Variants in CTSD observed in about 807,000 individuals in gnomAD.
CTSD encodes ceroid-lipofuscinosis, neuronal 10.
CTSD carries 28 observed loss-of-function variants against 43.6 expected under a neutral mutation model. The observed-to-expected ratio is 0.64, with a 90% CI of 0.48 to 0.88. The LOEUF (loss-of-function observed/expected upper bound fraction) is 0.88. Ranked by LOEUF, CTSD falls within the 40% of genes least tolerant of loss-of-function variation. The pLI, the probability that CTSD is intolerant of heterozygous loss-of-function variation, is 0.00. For synonymous variants in CTSD, 270 were observed against 249.8 expected, an observed-to-expected ratio of 1.08 and a Z score of -0.76; for missense variants, 485 against 555.2, an observed-to-expected ratio of 0.87 and a Z score of 1.27.
Position 1,753,690 on chromosome 11 carries a change from C to T in CTSD, c.1072-20G>A. The T allele has an allele frequency of 6.2e-7, 1 of 1,612,192 alleles. No individual in the cohort carries two copies. On this transcript the variant is annotated intron_variant, in intron 8 of 8. Transcript: ENST00000236671. ...CGACACCTGGGACGGCCCTGGTGGT[C>T]AGTACCCAGGCCTAGCACCACCCGC...
At chr11:1,758,435 AG>A (rs759329722) in intron 4 of CTSD, among the ~76,000 whole-genome samples, 17 of 152,196 alleles carry the variant, frequency 1.1e-4, no homozygotes, top group Non-Finnish European at 2.2e-4. Flanking sequence ...ACCCTCTCCT[AG>A]GGCAGGGAGT....
At chr11:1,763,456 T>C (rs1242936315) in intron 1 of CTSD, 3 of 334,698 alleles carry the variant, frequency 9.0e-6, no homozygotes, top group Non-Finnish European at 1.7e-5. Flanking sequence ...CAGACCCCAA[T>C]TCCACCTGCC....
intron 1 of CTSD, among the ~76,000 whole-genome samples, chr11:1,763,327 A>G (rs895927665): frequency 5.3e-5 from 8 of 152,162 alleles, no homozygotes; most frequent in Admixed American, 1.3e-4. Flanking sequence ...GAGCCGCTGG[A>G]GCAAACTTTT....
rs1845744393 is a variant in CTSD at position 1,752,913 on chromosome 11, G to C, written c.*590C>G. On this transcript the variant is annotated 3_prime_UTR_variant, in exon 9 of 9. Coordinates refer to ENST00000236671, the MANE Select transcript of CTSD (RefSeq NM_001909.5). ...AATACATGCCCCTGGGACTGGCTCA[G>C]TCCCAGCACCACCCTGCAGGCTCCA... The C allele has an allele frequency of 5.7e-6, 1 of 176,726 alleles. No individual in the cohort carries two copies. Among genetic ancestry groups the C allele is most frequent in the Non-Finnish European group, 1.2e-5 (1 of 82,318 alleles). The allele number at this position is 176,726 out of a possible 1,614,324, so 10.9% of individuals were successfully genotyped here.
At chr11:1,756,821 C>A (rs538143127) in intron 5 of CTSD, among the ~76,000 whole-genome samples, 1 of 152,206 alleles carries the variant, frequency 6.6e-6, no homozygotes, top group Non-Finnish European at 1.5e-5. Flanking sequence ...GCAGCCGGCA[C>A]CTGCTGGGGA....
rs758874267 is a variant in CTSD, at chr11:1,757,571, A to G, written c.472-15T>C. 1.3e-6 allele frequency: 2 copies of G among 1,597,710 alleles called. No individual in the cohort carries two copies. Among genetic ancestry groups the G allele is most frequent in the East Asian group, 2.2e-5 (1 of 44,522 alleles). On this transcript the variant is annotated splice_polypyrimidine_tract_variant and intron_variant, in intron 4 of 8. Coordinates refer to ENST00000236671, the MANE Select transcript of CTSD (RefSeq NM_001909.5). ...TGGCAGGGCACCTGCAGGCCAGGGC[A>G]GAGTCAGTGGGCAGCAGACAGGCTG...
intron 2 of CTSD, 82 bp downstream of exon 2, chr11:1,761,224 CAGG>C (rs1845871974): frequency 6.7e-7 from 1 of 1,499,210 alleles, no homozygotes. Flanking sequence ...CTGCTGAGAA[CAGG>C]AGGTGGGAAT....
intron 3 of CTSD, 94 bp downstream of exon 3, chr11:1,759,422 A>G (rs554006849): frequency 1.3e-6 from 2 of 1,563,598 alleles, no homozygotes; most frequent in Admixed American, 1.7e-5. Context: ...AAGAGGCAGG[A>G]GAATTGCGTT....
rs878967917 is a variant in CTSD at position 1,753,673 on chromosome 11, G to A, written c.1072-3C>T. On this transcript the variant is annotated splice_region_variant and splice_polypyrimidine_tract_variant and intron_variant, in intron 8 of 8. Transcript: ENST00000236671. ...AGGGTCTTCCCGGCCTGCGACACCT[G>A]GGACGGCCCTGGTGGTCAGTACCCA... is the stretch of plus-strand genomic sequence containing the variant. 1 of 1,612,702 alleles carries A rather than the reference G, an allele frequency of 6.2e-7. No homozygotes were observed.
In CTSD at chr11:1,757,526, C is replaced by A. The variant is rs1554962647; in HGVS notation, c.502G>T (p.Ala168Ser). The change falls in exon 5 of 9, where the codon GCC becomes TCC. Residue 168 changes from alanine (A) to serine (S), a missense_variant. By Grantham distance (99) the Ala-to-Ser change is moderately conservative. Transcript: ENST00000236671. ...CTCTCCACTTTGACACCGCCCAGGG[C>A]AGAGGCTGACGACGCTGACTGGCAG... The part of the protein sequence containing the change: ...VPCQSASSAS[A>S]LGGVKVERQV... 1.2e-6 allele frequency: 2 copies of A among 1,613,044 alleles called. No homozygotes were observed. Among genetic ancestry groups the A allele is most frequent in the Non-Finnish European group, 1.7e-6 (2 of 1,179,938 alleles).
At chr11:1,754,255 C>G (rs2133658172) in intron 6 of CTSD, 117 bp from the exon 7 acceptor site, 1 of 1,226,924 alleles carries the variant, frequency 8.2e-7, no homozygotes, top group Middle Eastern at 2.0e-4. Flanking sequence ...CCTCAGGGCT[C>G]CTGGAAGCAC....
chr11:1,753,297 C>T lies in CTSD; in HGVS notation c.*206G>A, dbSNP rs940238665. ...TACCCCCACCAAACAGATGGAGAGA[C>T]AGACAGGCAGGCAGCATTTCTGAAC... On this transcript the variant is annotated 3_prime_UTR_variant, in exon 9 of 9. Coordinates refer to ENST00000236671, the MANE Select transcript of CTSD (RefSeq NM_001909.5). 6.1e-5 allele frequency: 39 copies of T among 640,524 alleles called. No individual in the cohort carries two copies. Among genetic ancestry groups the T allele is most frequent in the African/African-American group, 5.4e-4 (30 of 55,234 alleles). The allele number at this position is 640,524 out of a possible 1,614,324, so 39.7% of individuals were successfully genotyped here. A position where few individuals can be genotyped will look rare whatever the true frequency, so the allele number is the denominator to read the frequency against.
chr11:1,754,142 C>T lies in CTSD; in HGVS notation c.828-4G>A, dbSNP rs371034011. The T allele has an allele frequency of 2.1e-5, 34 of 1,607,484 alleles. No individual in the cohort carries two copies. The highest frequency in any genetic ancestry group is 4.0e-5 in the African/African-American group (3 of 74,906). On this transcript the variant is annotated splice_polypyrimidine_tract_variant and splice_region_variant and intron_variant, in intron 6 of 8. Transcript: ENST00000236671. ...CAGCCCGCTGGCCACCTCCACCCTG[C>T]GGGGAGTCAGGGCGTGAAGCCCCTG...
intron 1 of CTSD, 105 bp from the exon 2 acceptor site, chr11:1,761,573 G>C: frequency 7.6e-7 from 1 of 1,308,378 alleles, no homozygotes; most frequent in Non-Finnish European, 1.1e-6. Flanking sequence ...TCTCAGAGTC[G>C]CCACAGCCAA....
intron 3 of CTSD, 52 bp downstream of exon 3, chr11:1,759,464 G>T: frequency 6.2e-7 from 1 of 1,609,832 alleles, no homozygotes; most frequent in South Asian, 1.1e-5. Context: ...GCCCTGCAGC[G>T]ACATCCCGGA....
chr11:1,759,100 A>G lies in CTSD; in HGVS notation c.353-13T>C. 1 of 1,586,626 alleles carries G rather than the reference A, an allele frequency of 6.3e-7. No homozygotes were observed. Among genetic ancestry groups the G allele is most frequent in the Non-Finnish European group, 8.7e-7 (1 of 1,155,078 alleles). On this transcript the variant is annotated splice_polypyrimidine_tract_variant and intron_variant, in intron 3 of 8. Transcript: ENST00000236671. ...TTGTGGTGGATCCCTGCCCCGGGCG[A>G]CAAGGGGGCCCGCCGGTCATCCCGC...
At chr11:1,761,800 C>T (rs747254413) in intron 1 of CTSD, 2 of 425,486 alleles carry the variant, frequency 4.7e-6, no homozygotes, top group South Asian at 2.1e-5. Context: ...AAGGGTCTCC[C>T]GTCCTCCCTC....
At chr11:1,755,993 C>T (rs1478202164) in intron 5 of CTSD, among the ~76,000 whole-genome samples, 1 of 152,158 alleles carries the variant, frequency 6.6e-6, no homozygotes. Flanking sequence ...CTTGAGACTA[C>T]ACCTGGGCAC....
At chr11:1,756,807 G>C (rs566906342) in intron 5 of CTSD, among the ~76,000 whole-genome samples, 247 of 152,300 alleles carry the variant, frequency 1.6e-3, no homozygotes, top group Middle Eastern at 3.4e-3. Flanking sequence ...GTTCCTCCTC[G>C]AGGGCAGCCG....
Sources: gnomAD v4.1 joint callset for allele counts (sites outside exome capture counted in the v4.1 genomes callset) on GRCh38, gnomAD v4.1.1 for gene constraint, MANE v1.5 for transcripts, NCBI Gene and HGNC (gene_info 2026-07-23, HGNC 2026-07-21) for gene names.